Variants in TMPRSS15 observed in about 807,000 individuals in gnomAD.
TMPRSS15 encodes the protein transmembrane serine protease 15, also known as enteropeptidase.
Under a neutral mutation model 125.3 loss-of-function variants are expected in TMPRSS15, and 128 were observed. The ratio of observed to expected loss-of-function variants is 1.02; its 90% CI spans 0.89 to 1.18. TMPRSS15 has a LOEUF of 1.18. TMPRSS15 is among the 50% of genes most tolerant of loss of function. TMPRSS15 has a pLI of 0.00. For synonymous variants in TMPRSS15, 446 were observed against 423.2 expected (o/e 1.05, Z -0.66); for missense variants, 1,283 against 1,212.7 (o/e 1.06, Z -0.86).
chr21:18,357,367 A>T (rs985849348), intron 8 of TMPRSS15, among the ~76,000 whole-genome samples: 1 of 151,812 alleles, frequency 6.6e-6, no homozygotes, highest in African/African-American at 2.4e-5. Flanking sequence ...CAGTTAGAGA[A>T]CTTTTGCATC....
chr21:18,385,569 C>A (rs2075936180), intron 3 of TMPRSS15, among the ~76,000 whole-genome samples: 1 of 152,140 alleles, frequency 6.6e-6, no homozygotes, highest in African/African-American at 2.4e-5. Flanking sequence ...ATTAGGTCTA[C>A]ATAATTTGCT....
intron 16 of TMPRSS15, among the ~76,000 whole-genome samples, chr21:18,317,298 T>G (rs750959001): frequency 1.3e-4 from 20 of 151,438 alleles, no homozygotes; most frequent in Non-Finnish European, 2.1e-4. Context: ...GGACTCAGTA[T>G]AGCCATACTA....
chr21:18,481,004 A>G (rs1302382425), intron 1 of TMPRSS15, among the ~76,000 whole-genome samples: 2 of 151,818 alleles, frequency 1.3e-5, no homozygotes, highest in South Asian at 4.1e-4. Flanking sequence ...AACTCAAACA[A>G]GTCTGAAATA....
chr21:18,353,944 A>T, intron 8 of TMPRSS15, 81 bp from the exon 9 acceptor site: 2 of 1,360,292 alleles, frequency 1.5e-6, no homozygotes, highest in South Asian at 1.2e-5. Flanking sequence ...CATCTACTGA[A>T]CTATCAGTTT....
chr21:18,335,487 C>G (rs751407898), intron 13 of TMPRSS15, among the ~76,000 whole-genome samples: 2 of 152,156 alleles, frequency 1.3e-5, no homozygotes, highest in African/African-American at 4.8e-5. Flanking sequence ...AGAACTCCAA[C>G]GTTGTCAAGT....
chr21:18,455,256 T>A (rs531222003), intron 1 of TMPRSS15, among the ~76,000 whole-genome samples: 2 of 152,286 alleles, frequency 1.3e-5, no homozygotes, highest in East Asian at 3.9e-4. Flanking sequence ...CTTGGGTATG[T>A]TTTTATTAGT....
chr21:18,484,404 T>G (rs972112014), intron 1 of TMPRSS15, among the ~76,000 whole-genome samples: 1 of 151,878 alleles, frequency 6.6e-6, no homozygotes, highest in Non-Finnish European at 1.5e-5. Context: ...AGGGTATTTG[T>G]TTAGTAGCAT....
intron 3 of TMPRSS15, among the ~76,000 whole-genome samples, chr21:18,387,624 C>T (rs866631601): frequency 2.6e-5 from 3 of 117,280 alleles, no homozygotes; most frequent in African/African-American, 6.2e-5. Context: ...CACACACACA[C>T]ACACACACAC....
intron 1 of TMPRSS15, among the ~76,000 whole-genome samples, chr21:18,452,444 TATTCAGCCCA>T (rs997341380): frequency 1.2e-4 from 19 of 152,206 alleles, no homozygotes; most frequent in African/African-American, 4.3e-4. Flanking sequence ...TGGGCTGACA[TATTCAGCCCA>T]ACAGCTCTAG....
chr21:18,439,815 T>C lies in TMPRSS15; in HGVS notation c.11-41486A>G, dbSNP rs556938477. ...ACCATCTTTAAAGCTCTTATTGAAA[T>C]GTAAAATATTTTTAGTAGATAGCAG... On this transcript the variant is annotated intron_variant, in intron 1 of 7. Coordinates refer to the TMPRSS15 transcript ENST00000422787. Among the ~76,000 whole-genome samples, 4 of 152,142 alleles carry C rather than the reference T, an allele frequency of 2.6e-5. No homozygotes were observed. In the East Asian group the frequency reaches 5.8e-4, roughly 22 times the overall value.
In TMPRSS15 at chr21:18,332,115, G is replaced by C. The variant is rs1240890211; in HGVS notation, c.1623C>G (p.Asn541Lys). ...WEPNTTFSSTNFPNSYPNLAF... is the reference protein window; with the variant it reads ...WEPNTTFSSTKFPNSYPNLAF... ...CCAGATTAGGGTAGCTGTTTGGAAA[G>C]TTCGTAGAACTGAATGTTGTATTTG... The change falls in exon 14 of 25, where the codon AAC (asparagine) becomes AAG (lysine). Residue 541 changes from asparagine to lysine, a missense_variant. Asn to Lys is a moderately conservative substitution (Grantham distance 94). Coordinates refer to ENST00000284885, the MANE Select transcript of TMPRSS15 (RefSeq NM_002772.3). 1.2e-5 allele frequency: 20 copies of C among 1,614,078 alleles called. No individual in the cohort carries two copies. Among genetic ancestry groups the C allele is most frequent in the Non-Finnish European group, 1.7e-5 (20 of 1,179,952 alleles).
intron 1 of TMPRSS15, among the ~76,000 whole-genome samples, chr21:18,415,086 G>A (rs377573302): frequency 4.8e-4 from 73 of 151,714 alleles, no homozygotes; most frequent in Non-Finnish European, 9.1e-4. Flanking sequence ...TTGTAGTTTC[G>A]ATTTGTATTT....
intron 1 of TMPRSS15, among the ~76,000 whole-genome samples, chr21:18,408,942 A>T (rs1380870222): frequency 6.6e-6 from 1 of 152,116 alleles, no homozygotes; most frequent in Non-Finnish European, 1.5e-5. Flanking sequence ...AGTTGTAACG[A>T]TCAATTCAAT....
At chr21:18,440,696 T>C (rs913580094) in intron 1 of TMPRSS15, among the ~76,000 whole-genome samples, 1 of 152,190 alleles carries the variant, frequency 6.6e-6, no homozygotes, top group Non-Finnish European at 1.5e-5. Flanking sequence ...TTTTGAATAA[T>C]TGTGTATTTA....
intron 21 of TMPRSS15, among the ~76,000 whole-genome samples, chr21:18,286,757 C>T (rs7279594): frequency 0.2 from 29,707 of 152,068 alleles, 4,371 homozygotes; most frequent in African/African-American, 0.41. Context: ...TCCACATGGT[C>T]CCTCATCCTA....
intron 1 of TMPRSS15, among the ~76,000 whole-genome samples, chr21:18,454,713 T>C (rs1978407492): frequency 6.6e-6 from 1 of 152,144 alleles, no homozygotes; most frequent in Non-Finnish European, 1.5e-5. Context: ...AATTTGCCCT[T>C]CCTCTGCCTT....
At chr21:18,456,767 A>G (rs1978449362) in intron 1 of TMPRSS15, among the ~76,000 whole-genome samples, 1 of 152,130 alleles carries the variant, frequency 6.6e-6, no homozygotes, top group Non-Finnish European at 1.5e-5. Context: ...CTTGGAATAA[A>G]TGTATTATCC....
intron 8 of TMPRSS15, among the ~76,000 whole-genome samples, chr21:18,354,866 C>A (rs1047784403): frequency 1.6e-4 from 24 of 151,710 alleles, no homozygotes; most frequent in Non-Finnish European, 2.5e-4. Flanking sequence ...AGACAATGAA[C>A]CACTGTGAAA....
At chr21:18,405,494 G>C (rs560314700), upstream of TMPRSS15, among the ~76,000 whole-genome samples, 13 of 152,078 alleles carry the variant, frequency 8.5e-5, no homozygotes, top group Non-Finnish European at 1.8e-4. Context: ...GCCCTATCAG[G>C]TAACAAAACT....
Sources: allele counts gnomAD v4.1 joint callset (sites outside exome capture counted in the v4.1 genomes callset), GRCh38; gene constraint gnomAD v4.1.1; transcripts MANE v1.5; gene names NCBI Gene and HGNC (gene_info 2026-07-23, HGNC 2026-07-21).